The following DHX16 variants were observed in gnomAD, a reference collection of about 807,000 sequenced individuals.
DHX16 encodes pre-mRNA-splicing factor ATP-dependent RNA helicase DHX16.
DHX16 carries 81 observed loss-of-function variants against 131.2 expected under a neutral mutation model. The ratio of observed to expected loss-of-function variants is 0.62; its 90% CI spans 0.52 to 0.74. DHX16 has a LOEUF of 0.74. Ranked by LOEUF, DHX16 falls within the 30% of genes least tolerant of loss-of-function variation. The pLI is 0.00. For missense variants in DHX16, 980 were observed against 1,363.1 expected (o/e 0.72, Z 4.43); for synonymous variants, 440 against 520.2 (o/e 0.85, Z 2.10).
chr6:30,655,570 T>A lies in DHX16; in HGVS notation c.2526A>T (p.Thr842=). The A allele has an allele frequency of 6.2e-7, 1 of 1,613,118 alleles. No individual in the cohort carries two copies. Among genetic ancestry groups the A allele is most frequent in the Non-Finnish European group, 8.5e-7 (1 of 1,180,040 alleles). The stretch of plus-strand genomic sequence containing the variant: ...TGTTGACAGAGAGCATGGCAGCCAC[T>A]GTCAGGATCTCCTCTGAACAGCTGT... ...EKYSCSEEIL[T]VAAMLSVNNS... is the part of the protein sequence containing the mutation. The change falls in exon 17 of 20, where the codon ACA becomes ACT. Residue 842 remains threonine, a synonymous_variant. Coordinates refer to ENST00000376442, the MANE Select transcript of DHX16 (RefSeq NM_003587.5).
chr6:30,658,324 C>T (rs560539310), intron 12 of DHX16, among the ~76,000 whole-genome samples: 2 of 152,264 alleles, frequency 1.3e-5, no homozygotes, highest in East Asian at 3.9e-4. Flanking sequence ...GGGCAGATCA[C>T]CTGAGGTCAG....
chr6:30,672,492 G>T, intron 1 of DHX16, 143 bp downstream of exon 1: 1 of 719,712 alleles, frequency 1.4e-6, no homozygotes, highest in South Asian at 1.9e-5. Flanking sequence ...ACTGAGCTGG[G>T]CGTCCAGCAG....
Position 30,670,774 on chromosome 6 carries a change from T to C in DHX16, c.609+16A>G, listed in dbSNP as rs773797167. On this transcript the variant is annotated intron_variant, in intron 3 of 19. Coordinates refer to ENST00000376442, the MANE Select transcript of DHX16 (RefSeq NM_003587.5). This position sits in a 1 kb window ranked among gnomAD's most constrained non-coding sequence, Gnocchi z 4.4. Reference sequence around the variant, plus strand: ...TGGGATCTTGGGGATTTACAGAACATGCTGCTCCTATTCACCTTCTTGTCT... The same window carrying C: ...TGGGATCTTGGGGATTTACAGAACACGCTGCTCCTATTCACCTTCTTGTCT... 3.7e-6 allele frequency: 6 copies of C among 1,612,632 alleles called. No individual in the cohort carries two copies. The highest frequency in any genetic ancestry group is 8.5e-7 in the Non-Finnish European group (1 of 1,179,998).
At chr6:30,664,477 C>CAAAAAAA in intron 7 of DHX16, among the ~76,000 whole-genome samples, 1 of 75,670 alleles carries the variant, frequency 1.3e-5, no homozygotes, top group Non-Finnish European at 2.9e-5. Context: ...ACTCCGTCTC[C>CAAAAAAA]AAAAAAAAAA....
rs1582967562 is a variant in DHX16 at position 30,670,323 on chromosome 6, T to G, written c.666+87A>C. On this transcript the variant is annotated intron_variant, in intron 4 of 19. Coordinates refer to ENST00000376442, the MANE Select transcript of DHX16 (RefSeq NM_003587.5). This position sits in a 1 kb window ranked among gnomAD's most constrained non-coding sequence, Gnocchi z 4.4. ...ACCCCATCAGCATCCACACTGTGCT[T>G]CCTCTGTATCCTCTCTCCCTATACA... The G allele has an allele frequency of 7.3e-7, 1 of 1,362,236 alleles. No homozygotes were observed. Among genetic ancestry groups the G allele is most frequent in the East Asian group, 2.5e-5 (1 of 39,752 alleles). The allele number at this position is 1,362,236 out of a possible 1,614,324, so 84.4% of individuals were successfully genotyped here.
intron 18 of DHX16, 88 bp from the exon 19 acceptor site, chr6:30,654,967 G>C: frequency 6.8e-7 from 1 of 1,464,468 alleles, no homozygotes; most frequent in Non-Finnish European, 9.2e-7. Flanking sequence ...TCAGGCTTCA[G>C]GAAAACTAGA....
At chr6:30,655,659 G>A (rs962206661) in intron 16 of DHX16, 62 bp from the exon 17 acceptor site, 1 of 1,577,362 alleles carries the variant, frequency 6.3e-7, no homozygotes, top group Non-Finnish European at 8.7e-7. Context: ...ATATGGTGGA[G>A]TGGGGAGTGA....
In DHX16 at chr6:30,670,929, T is replaced by C; in HGVS notation, c.470A>G (p.Lys157Arg). The change falls in exon 3 of 20, where the codon AAG becomes AGG. Residue 157 changes from lysine to arginine, a missense_variant. Lys to Arg is a conservative substitution (Grantham distance 26). This residue lies in a region of DHX16 where 457 missense variants were observed against 554.8 expected (regional missense o/e 0.82). Coordinates refer to ENST00000376442, the MANE Select transcript of DHX16 (RefSeq NM_003587.5). This position sits in a 1 kb window ranked among gnomAD's most constrained non-coding sequence, Gnocchi z 4.4. The stretch of plus-strand genomic sequence containing the variant: ...TTCCCACTCATCTTCCGACTCTGGC[T>C]TCTCTGTCTGCTGTTTACTCCCCCT... ...KTGGSKQQTE[K>R]PESEDEWERT... The C allele has an allele frequency of 6.2e-7, 1 of 1,613,090 alleles. No individual in the cohort carries two copies. Among genetic ancestry groups the C allele is most frequent in the Non-Finnish European group, 8.5e-7 (1 of 1,180,038 alleles).
rs761973470 is a variant in DHX16, at chr6:30,662,794, G to T, written c.1429-52C>A. ...AGTGTGGGCTGGTGTGCCCTGAAAG[G>T]AACTTGGGGAAAGGTGAAGTGGGGC... On this transcript the variant is annotated intron_variant, in intron 8 of 19. Coordinates refer to ENST00000376442, the MANE Select transcript of DHX16 (RefSeq NM_003587.5). This position sits in a 1 kb window ranked among gnomAD's most constrained non-coding sequence, Gnocchi z 4.7. The T allele has an allele frequency of 4.2e-5, 66 of 1,583,680 alleles. No homozygotes were observed. Among genetic ancestry groups the T allele is most frequent in the Non-Finnish European group, 5.4e-5 (62 of 1,155,278 alleles).
In DHX16 at chr6:30,655,232, C is replaced by A. The variant is rs1341634535; in HGVS notation, c.2766G>T (p.Leu922Phe). Reference sequence around the variant, plus strand: ...AACTGAGACCAACTTCCACACGTTCCAAGAGCCCTTCCAGCTGTTCCCGCA... The same window carrying A: ...AACTGAGACCAACTTCCACACGTTCAAAGAGCCCTTCCAGCTGTTCCCGCA... The part of the protein sequence containing the change: ...RDVREQLEGL[L>F]ERVEVGLSSC... The change falls in exon 18 of 20, where the codon TTG becomes TTT. Residue 922 changes from leucine (L) to phenylalanine (F), a missense_variant. Leu to Phe is a conservative substitution (Grantham distance 22). This residue lies in a region of DHX16 where 214 missense variants were observed against 271.2 expected (regional missense o/e 0.79). Coordinates refer to ENST00000376442, the MANE Select transcript of DHX16 (RefSeq NM_003587.5). 6.2e-7 allele frequency: 1 copy of A among 1,614,074 alleles called. No individual in the cohort carries two copies. Among genetic ancestry groups the A allele is most frequent in the Non-Finnish European group, 8.5e-7 (1 of 1,180,046 alleles).
At position 30,662,692 on chromosome 6, in the gene DHX16, G is replaced by A; in HGVS notation, c.1479C>T (p.Leu493=). 1 of 1,613,130 alleles carries A rather than the reference G, an allele frequency of 6.2e-7. No homozygotes were observed. The highest frequency in any genetic ancestry group is 1.7e-5 in the Admixed American group (1 of 60,026). The stretch of plus-strand genomic sequence containing the variant: ...GAAGCATCCCATCTGTCATGTAGCG[G>A]AGGACAGTTCGCTCTGATGTGCAGT... ...FEDCTSERTV[L]RYMTDGMLLR... Residue 493 remains leucine (L), a synonymous_variant, in exon 9 of 20, where the codon CTC becomes CTT. Coordinates refer to ENST00000376442, the MANE Select transcript of DHX16 (RefSeq NM_003587.5). The surrounding 1 kb of genome is among the most constrained non-coding windows in gnomAD (Gnocchi z 4.7).
At position 30,670,745 on chromosome 6, in the gene DHX16, A is replaced by T. The variant is rs778910531; in HGVS notation, c.609+45T>A. The T allele has an allele frequency of 3.1e-6, 5 of 1,609,040 alleles. No homozygotes were observed. Among genetic ancestry groups the T allele is most frequent in the Non-Finnish European group, 4.2e-6 (5 of 1,178,498 alleles). On this transcript the variant is annotated intron_variant, in intron 3 of 19. Coordinates refer to ENST00000376442, the MANE Select transcript of DHX16 (RefSeq NM_003587.5). The surrounding 1 kb of genome is among the most constrained non-coding windows in gnomAD (Gnocchi z 4.4). Reference sequence around the variant, plus strand: ...GCACTCACAGCCAACCTCAGATTTCACCCTGGGATCTTGGGGATTTACAGA... The same window carrying T: ...GCACTCACAGCCAACCTCAGATTTCTCCCTGGGATCTTGGGGATTTACAGA...
intron 12 of DHX16, among the ~76,000 whole-genome samples, chr6:30,658,455 A>G (rs1177273233): frequency 6.6e-6 from 1 of 151,858 alleles, no homozygotes; most frequent in Non-Finnish European, 1.5e-5. Context: ...AGACAGGAGA[A>G]TCGCTTGAAC....
Position 30,670,887 on chromosome 6 carries a change from C to T in DHX16, c.512G>A (p.Arg171His). ...ATCACGCTCCTCCAGGTCCTGAAGG[C>T]GTTCACGCTCTGTCCGTTCCCACTC... ...EDEWERTERE[R>H]LQDLEERDAF... Residue 171 changes from arginine (R) to histidine (H), a missense_variant, in exon 3 of 20, where the codon CGC becomes CAC. Transcript: ENST00000376442. The surrounding 1 kb of genome is among the most constrained non-coding windows in gnomAD (Gnocchi z 4.4). The T allele has an allele frequency of 1.9e-6, 3 of 1,613,028 alleles. No homozygotes were observed. Among genetic ancestry groups the T allele is most frequent in the Non-Finnish European group, 2.5e-6 (3 of 1,180,014 alleles).
intron 19 of DHX16, 54 bp from the exon 20 acceptor site, chr6:30,653,424 G>C: frequency 1.3e-6 from 2 of 1,540,140 alleles, no homozygotes; most frequent in Non-Finnish European, 1.7e-6. Context: ...TAGATCTTTT[G>C]TTGTTGTTAT....
intron 9 of DHX16, chr6:30,661,709 C>T (rs1768531253): frequency 1.4e-6 from 1 of 713,716 alleles, no homozygotes; most frequent in Non-Finnish European, 2.6e-6. Flanking sequence ...GAACTCATCC[C>T]CATCTTCCCC....
At chr6:30,660,428 A>AG in intron 9 of DHX16, 186 bp from the exon 10 acceptor site, 1 of 474,240 alleles carries the variant, frequency 2.1e-6, no homozygotes, top group Non-Finnish European at 3.6e-6. Context: ...AGAGAAGGCC[A>AG]GGGCCCCATG....
Position 30,670,827 on chromosome 6 carries a change from T to C in DHX16, c.572A>G (p.Asp191Gly). Residue 191 changes from aspartate (D) to glycine (G), a missense_variant, in exon 3 of 20, where the codon GAT becomes GGT. Asp to Gly is a moderately conservative substitution (Grantham distance 94, BLOSUM62 -1). Coordinates refer to ENST00000376442, the MANE Select transcript of DHX16 (RefSeq NM_003587.5). The surrounding 1 kb of genome is among the most constrained non-coding windows in gnomAD (Gnocchi z 4.4). ...FAERVRQRDKDRTRNVLERSD... is the reference protein window; with the variant it reads ...FAERVRQRDKGRTRNVLERSD... ...CCGTTCCAGGACATTTCGAGTCCGA[T>C]CCTTGTCCCGCTGTCGAACCCGCTC... The C allele has an allele frequency of 6.2e-7, 1 of 1,613,066 alleles. No individual in the cohort carries two copies. The highest frequency in any genetic ancestry group is 8.5e-7 in the Non-Finnish European group (1 of 1,180,038).
intron 4 of DHX16, among the ~76,000 whole-genome samples, chr6:30,668,518 G>A (rs1769242324): frequency 6.6e-6 from 1 of 152,088 alleles, no homozygotes; most frequent in Non-Finnish European, 1.5e-5. Context: ...AGGCATGCTA[G>A]TGCATGTCTG....
Sources: gnomAD v4.1 joint callset for allele counts (sites outside exome capture counted in the v4.1 genomes callset) on GRCh38, gnomAD v4.1.1 for gene constraint, gnomAD v4.1.1 regional missense constraint, Gnocchi (gnomAD v3.1) non-coding constraint, MANE v1.5 for transcripts, NCBI Gene and HGNC (gene_info 2026-07-23, HGNC 2026-07-21) for gene names.